The following PHYHD1 variants were observed in gnomAD, a reference collection of about 807,000 sequenced individuals.
PHYHD1 encodes phytanoyl-CoA dioxygenase domain-containing protein 1.
PHYHD1 carries 42 observed loss-of-function variants against 43.6 expected under a neutral mutation model. That is an observed-to-expected ratio of 0.96 (90% confidence interval 0.75 to 1.25). The LOEUF (loss-of-function observed/expected upper bound fraction) is 1.25, where lower values mean the gene tolerates loss of function less well. Among genes scored for constraint, PHYHD1 ranks in the 50% most tolerant of loss-of-function variants. PHYHD1 has a pLI of 0.00. For missense variants in PHYHD1, 342 were observed against 370.8 expected (o/e 0.92, Z 0.64); for synonymous variants, 139 against 143.6 (o/e 0.97, Z 0.23).
Position 128,932,166 on chromosome 9 carries a change from ATTG to A in PHYHD1, c.193-1613_193-1611del, listed in dbSNP as rs201833199. On this transcript the variant is annotated intron_variant, in intron 4 of 12. Transcript: ENST00000372592. ...AGTCAGTTCTATTATTATTATTATT[ATTG>A]TTATTATTATTATTATTTTTTTTTT... Among the ~76,000 whole-genome samples the A allele has an allele frequency of 4.2e-3, 518 of 122,448 alleles. 9 individuals are homozygous for A. Among genetic ancestry groups the A allele is most frequent in the East Asian group, 0.029 (129 of 4,460 alleles). 80.3% of individuals were successfully genotyped at this position (122,448 alleles called of 152,430 possible).
At chr9:128,937,514 C>T (rs910125600) in intron 8 of PHYHD1, among the ~76,000 whole-genome samples, 5 of 152,200 alleles carry the variant, frequency 3.3e-5, no homozygotes, top group Admixed American at 2.6e-4. Context: ...CTGCTCTGCT[C>T]TGTGATCTTG....
Position 128,926,537 on chromosome 9 carries a change from G to A in PHYHD1, c.34-501G>A, listed in dbSNP as rs116966093. Among the ~76,000 whole-genome samples the A allele has an allele frequency of 8.3e-3, 1,254 of 150,324 alleles. 9 individuals are homozygous for A. Among genetic ancestry groups the A allele is most frequent in the South Asian group, 0.039 (184 of 4,766 alleles). ...TTACAGGCGTGAGCCACTGTGCCCA[G>A]CTTCCTTTTTCTTTTTCTTTCTTTT... On this transcript the variant is annotated intron_variant, in intron 3 of 12. Transcript: ENST00000372592.
Position 128,922,371 on chromosome 9 carries a change from G to A in PHYHD1, c.33+15G>A, listed in dbSNP as rs776488419. On this transcript the variant is annotated intron_variant, in intron 3 of 12. Transcript: ENST00000372592. ...AGCTCCAGAAGGTAGGAGCCTGCAAGTCGGGGCCGGGAGGGTCATGGCGGG... is the reference window on the plus strand; with the variant it reads ...AGCTCCAGAAGGTAGGAGCCTGCAAATCGGGGCCGGGAGGGTCATGGCGGG... 1.9e-6 allele frequency: 3 copies of A among 1,548,436 alleles called. No individual in the cohort carries two copies. The highest frequency in any genetic ancestry group is 2.2e-4 in the Middle Eastern group (1 of 4,498).
At chr9:128,929,314 GATAA>G (rs568083502) in intron 4 of PHYHD1, among the ~76,000 whole-genome samples, 61 of 151,900 alleles carry the variant, frequency 4.0e-4, no homozygotes, top group Non-Finnish European at 6.5e-4. Context: ...CTGGGTGGGT[GATAA>G]AGAAAGACCC....
At chr9:128,924,311 G>A (rs576211880) in intron 3 of PHYHD1, among the ~76,000 whole-genome samples, 235 of 151,616 alleles carry the variant, frequency 1.5e-3, no homozygotes, top group Non-Finnish European at 2.9e-3. Context: ...CAAGCTACTC[G>A]GGAGGCTGAG....
At chr9:128,924,119 AAAAAT>A (rs1841073538) in intron 3 of PHYHD1, among the ~76,000 whole-genome samples, 1 of 151,990 alleles carries the variant, frequency 6.6e-6, no homozygotes, top group African/African-American at 2.4e-5. Context: ...ACTGCGTCTC[AAAAAT>A]AAAATAAACA....
At chr9:128,925,321 G>A (rs10988154) in intron 3 of PHYHD1, among the ~76,000 whole-genome samples, 8 of 151,480 alleles carry the variant, frequency 5.3e-5, no homozygotes, top group African/African-American at 1.7e-4. Flanking sequence ...TGCTTGCTGA[G>A]TTCAAATGAT....
chr9:128,928,331 A>T (rs566423827), intron 4 of PHYHD1, among the ~76,000 whole-genome samples: 1 of 152,318 alleles, frequency 6.6e-6, no homozygotes, highest in South Asian at 2.1e-4. Context: ...TCCTAGGAGT[A>T]AGAAGGGCCG....
intron 9 of PHYHD1, 143 bp from the exon 10 acceptor site, chr9:128,940,226 G>C (rs910743614): frequency 2.3e-6 from 3 of 1,319,584 alleles, no homozygotes; most frequent in Non-Finnish European, 3.1e-6. Context: ...AGAGTCCTGG[G>C]CCAGGAAGTG....
At chr9:128,933,888 G>A in intron 5 of PHYHD1, 31 bp downstream of exon 5, 1 of 1,609,612 alleles carries the variant, frequency 6.2e-7, no homozygotes, top group Non-Finnish European at 8.5e-7. Context: ...AGCTGGGGAG[G>A]AGCCATGGTG....
intron 3 of PHYHD1, among the ~76,000 whole-genome samples, chr9:128,925,719 G>A (rs1416852627): frequency 6.6e-6 from 1 of 151,942 alleles, no homozygotes; most frequent in Admixed American, 6.6e-5. Flanking sequence ...TCCCAGCCTG[G>A]CCCAGCCCCT....
rs559333288 is a variant in PHYHD1 at position 128,922,029 on chromosome 9, C to T, written c.-60C>T. On this transcript the variant is annotated 5_prime_UTR_variant, in exon 2 of 13. Transcript: ENST00000372592. ...GCTGCTTGGCCTGACCCTCTCACAG[C>T]ATAATTTCCCGGCACCTGGTAAGCA... 1 of 471,068 alleles carries T rather than the reference C, an allele frequency of 2.1e-6. No individual in the cohort carries two copies. 29.2% of individuals were successfully genotyped at this position (471,068 alleles called of 1,614,324 possible). A position where few individuals can be genotyped will look rare whatever the true frequency, so the allele number is the denominator to read the frequency against.
intron 8 of PHYHD1, among the ~76,000 whole-genome samples, chr9:128,937,463 A>G (rs976763714): frequency 6.6e-5 from 10 of 152,152 alleles, no homozygotes; most frequent in Non-Finnish European, 1.2e-4. Context: ...GGAAGGCTCA[A>G]CTGCTGGCCT....
At chr9:128,931,196 C>G (rs1841267194) in intron 4 of PHYHD1, among the ~76,000 whole-genome samples, 1 of 151,952 alleles carries the variant, frequency 6.6e-6, no homozygotes, top group African/African-American at 2.4e-5. Flanking sequence ...ACTGCAATCT[C>G]CACCTCCTGG....
At chr9:128,932,743 G>A (rs1257302964) in intron 4 of PHYHD1, among the ~76,000 whole-genome samples, 3 of 69,688 alleles carry the variant, frequency 4.3e-5, no homozygotes, top group Non-Finnish European at 9.7e-5. Context: ...CTCGTGATCC[G>A]CCTGCCTCAG....
Position 128,927,115 on chromosome 9 carries a change from C to G in PHYHD1, c.111C>G (p.Gly37=). The G allele has an allele frequency of 1.9e-6, 3 of 1,614,100 alleles. No individual in the cohort carries two copies. Among genetic ancestry groups the G allele is most frequent in the Non-Finnish European group, 2.5e-6 (3 of 1,180,024 alleles). ...GTGTGGCCATGCAACAAAGGATTGG[C>G]GAGATAGTGGCTGAAATGGATGTTC... is the stretch of plus-strand genomic sequence containing the variant. ...EECVAMQQRI[G]EIVAEMDVPL... is the part of the protein sequence containing the mutation. Residue 37 remains glycine, a synonymous_variant, in exon 4 of 13, where the codon GGC becomes GGG. Transcript: ENST00000372592.
chr9:128,927,268 T>G (rs1274482928), intron 4 of PHYHD1, 72 bp downstream of exon 4: 1 of 1,582,206 alleles, frequency 6.3e-7, no homozygotes, highest in Non-Finnish European at 8.6e-7. Flanking sequence ...CAGAGCAGCA[T>G]CGTGGAAGGG....
intron 6 of PHYHD1, among the ~76,000 whole-genome samples, chr9:128,935,420 C>G (rs890218842): frequency 2.6e-5 from 4 of 150,994 alleles, no homozygotes; most frequent in Non-Finnish European, 5.9e-5. Context: ...GTCAGGAGAT[C>G]GAGACCATCC....
At chr9:128,938,298 ACT>A (rs1841475051) in intron 9 of PHYHD1, among the ~76,000 whole-genome samples, 1 of 151,982 alleles carries the variant, frequency 6.6e-6, no homozygotes, top group Non-Finnish European at 1.5e-5. Context: ...ACAGAGTGAG[ACT>A]CTGTCTCAAA....
Sources: gnomAD v4.1 joint callset for allele counts (sites outside exome capture counted in the v4.1 genomes callset) on GRCh38, gnomAD v4.1.1 for gene constraint, MANE v1.5 for transcripts, NCBI Gene and HGNC (gene_info 2026-07-23, HGNC 2026-07-21) for gene names.